DDX42: variants seen among roughly 807,000 people sequenced by gnomAD.
DDX42 encodes ATP-dependent RNA helicase DDX42.
A neutral mutation model predicts 101.5 loss-of-function variants in DDX42; 22 were observed. The observed-to-expected ratio is 0.22, with a 90% confidence interval of 0.15 to 0.31. DDX42 has a LOEUF of 0.31. DDX42 is among the 10% of genes least tolerant of loss of function. The pLI is 1.00. For synonymous variants in DDX42, 402 were observed against 401.2 expected (o/e 1.00, Z -0.02); for missense variants, 849 against 1,199.9 (o/e 0.71, Z 4.32).
At chr17:63,785,888 C>G (rs1734192476) in intron 1 of DDX42, among the ~76,000 whole-genome samples, 1 of 152,158 alleles carries the variant, frequency 6.6e-6, no homozygotes, top group Non-Finnish European at 1.5e-5. Flanking sequence ...TTCTTTGATT[C>G]TTCCAGATGT....
At position 63,792,449 on chromosome 17, in the gene DDX42, G is replaced by C. The variant is rs773014565; in HGVS notation, c.259G>C (p.Asp87His). Residue 87 changes from aspartate to histidine, a missense_variant, in exon 3 of 18, where the codon GAT becomes CAT. Transcript: ENST00000389924. ...EDEEEDSSNV[D>H]LPYIPAENSP... is the part of the protein sequence containing the mutation. ...TGAGGAAGAAGATTCTAGCAACGTTGATTTACCTTACATTCCTGCTGAAAA... is the reference window on the plus strand; with the variant it reads ...TGAGGAAGAAGATTCTAGCAACGTTCATTTACCTTACATTCCTGCTGAAAA... The C allele has an allele frequency of 6.2e-7, 1 of 1,613,218 alleles. No homozygotes were observed. The highest frequency in any genetic ancestry group is 8.5e-7 in the Non-Finnish European group (1 of 1,179,644).
At chr17:63,774,499 G>T in intron 1 of DDX42, 123 bp downstream of exon 1, 1 of 182,830 alleles carries the variant, frequency 5.5e-6, no homozygotes. Flanking sequence ...CAGAGCCTCG[G>T]GGCACCGGCG....
chr17:63,805,133 T>C lies in DDX42; in HGVS notation c.684T>C (p.Thr228=). The C allele has an allele frequency of 6.2e-7, 1 of 1,613,256 alleles. No individual in the cohort carries two copies. Among genetic ancestry groups the C allele is most frequent in the Non-Finnish European group, 8.5e-7 (1 of 1,179,854 alleles). The change falls in exon 7 of 18, where the codon ACT becomes ACC. Residue 228 remains threonine (T), a synonymous_variant. Coordinates refer to ENST00000389924, the MANE Select transcript of DDX42 (RefSeq NM_203499.3). The part of the protein sequence containing the change: ...YNEHEEITNL[T]PQQLIDLRHK... ...AGCATGAAGAGATAACCAACCTCAC[T>C]CCACAGCAGTTAATAGATCTCCGGC...
Position 63,779,739 on chromosome 17 carries a change from C to CT in DDX42, c.-17+5373dup, listed in dbSNP as rs372934351. ...CTGAGTTTGACTATTCTAGGTATCT[C>CT]TTTTTTTTTTCTTTTTGTTTTCTTT... On this transcript the variant is annotated intron_variant, in intron 1 of 17. Coordinates refer to ENST00000389924, the MANE Select transcript of DDX42 (RefSeq NM_203499.3). Among the ~76,000 whole-genome samples, 1,376 of 149,420 alleles carry CT rather than the reference C, an allele frequency of 9.2e-3. 21 individuals carry two copies. Among genetic ancestry groups the CT allele is most frequent in the African/African-American group, 0.031 (1,274 of 40,742 alleles).
intron 1 of DDX42, chr17:63,774,788 G>A (rs1369899058): frequency 6.6e-6 from 1 of 152,232 alleles, no homozygotes; most frequent in East Asian, 1.9e-4. Context: ...TGCCAAATGA[G>A]AGGAGTGAAA....
At position 63,818,038 on chromosome 17, in the gene DDX42, C is replaced by G. The variant is rs115010979; in HGVS notation, c.2457C>G (p.His819Gln). 1.9e-6 allele frequency: 3 copies of G among 1,613,852 alleles called. No individual in the cohort carries two copies. Among genetic ancestry groups the G allele is most frequent in the African/African-American group, 2.7e-5 (2 of 74,872 alleles). ...CTGAGAACCGGGGCAGCAGCCGTCA[C>G]AGTCACGGAGAGACTGGCAATCGGC... ...RYTENRGSSR[H>Q]SHGETGNRHS... The change falls in exon 18 of 18, where the codon CAC becomes CAG. Residue 819 changes from histidine (H) to glutamine (Q), a missense_variant. This residue lies in a region of DDX42 where 300 missense variants were observed against 304.9 expected (regional missense o/e 0.98). Coordinates refer to ENST00000389924, the MANE Select transcript of DDX42 (RefSeq NM_203499.3).
intron 1 of DDX42, among the ~76,000 whole-genome samples, chr17:63,783,320 G>T (rs921426617): frequency 2.0e-5 from 3 of 152,144 alleles, no homozygotes; most frequent in African/African-American, 7.2e-5. Flanking sequence ...AGGAGATTGT[G>T]TGATTCTTAA....
At chr17:63,804,960 C>A in intron 6 of DDX42, 111 bp from the exon 7 acceptor site, 1 of 1,350,090 alleles carries the variant, frequency 7.4e-7, no homozygotes, top group African/African-American at 1.5e-5. Flanking sequence ...CTTTCTCTAG[C>A]TGGAATGGCT....
chr17:63,789,546 C>CGTTTTT lies in DDX42; in HGVS notation c.221+2276_221+2277insGTTTTT, dbSNP rs138224520. 2.5e-4 allele frequency among the ~76,000 whole-genome samples: 30 copies of CGTTTTT among 121,838 alleles called. 12 individuals carry two copies. Among genetic ancestry groups the CGTTTTT allele is most frequent in the African/African-American group, 7.5e-4 (22 of 29,356 alleles). 79.9% of individuals were successfully genotyped at this position (121,838 alleles called of 152,430 possible). ...ATTGGAAAAAAAAGCTTCTAAAAGA[C>CGTTTTT]TTTTTTGTTTTTGTTTTTGTTTTTG... On this transcript the variant is annotated intron_variant, in intron 2 of 17. Transcript: ENST00000389924.
chr17:63,795,225 C>T (rs1162965998), intron 3 of DDX42, among the ~76,000 whole-genome samples: 1 of 152,208 alleles, frequency 6.6e-6, no homozygotes, highest in East Asian at 1.9e-4. Context: ...GAGGCTATTG[C>T]TGAGCAAATG....
chr17:63,789,571 G>GTT (rs538515067), intron 2 of DDX42, among the ~76,000 whole-genome samples: 10 of 45,670 alleles, frequency 2.2e-4, no homozygotes, highest in South Asian at 7.1e-4. Flanking sequence ...TTTTGTTTTT[G>GTT]TTTTTTTTTT....
At chr17:63,776,278 C>G (rs1315216659) in intron 1 of DDX42, 8 of 152,288 alleles carry the variant, frequency 5.3e-5, no homozygotes, top group Admixed American at 5.2e-4. Context: ...CACATTTATT[C>G]TCACTTCCTA....
In DDX42 at chr17:63,783,349, T is replaced by C. The variant is rs567192806; in HGVS notation, c.-16-3685T>C. Among the ~76,000 whole-genome samples the C allele has an allele frequency of 4.6e-5, 7 of 152,334 alleles. No individual in the cohort carries two copies. In the South Asian group the frequency reaches 1.2e-3, roughly 27 times the overall value. ...TTCTTAAAATCCACCTGAACGTAAA[T>C]GTCTTTCCACTATCCTTTCTTTGCC... On this transcript the variant is annotated intron_variant, in intron 1 of 17. Coordinates refer to ENST00000389924, the MANE Select transcript of DDX42 (RefSeq NM_203499.3).
At chr17:63,796,142 C>T (rs1474703838) in intron 3 of DDX42, among the ~76,000 whole-genome samples, 2 of 152,110 alleles carry the variant, frequency 1.3e-5, no homozygotes, top group Admixed American at 6.6e-5. Context: ...GCTATGTTTC[C>T]TAGAGAATCT....
At chr17:63,809,077 T>C in intron 10 of DDX42, 129 bp downstream of exon 10, 1 of 1,343,664 alleles carries the variant, frequency 7.4e-7, no homozygotes, top group Non-Finnish European at 1.0e-6. Flanking sequence ...AACGGCAGGC[T>C]GTGGTTTTAA....
rs181031358 is a variant in DDX42, at chr17:63,779,333, G to A, written c.-17+4957G>A. On this transcript the variant is annotated intron_variant, in intron 1 of 17. Coordinates refer to ENST00000389924, the MANE Select transcript of DDX42 (RefSeq NM_203499.3). ...GGCTGGAGTGCATTGGCATGATCTCGGCCCACTGCAACCTCCGACTCCTGG... is the reference window on the plus strand; with the variant it reads ...GGCTGGAGTGCATTGGCATGATCTCAGCCCACTGCAACCTCCGACTCCTGG... Among the ~76,000 whole-genome samples the A allele has an allele frequency of 1.5e-3, 228 of 152,032 alleles. 1 individual carries two copies. The highest frequency in any genetic ancestry group is 2.1e-3 in the Non-Finnish European group (146 of 67,978).
chr17:63,804,927 C>A (rs1951715883), intron 6 of DDX42, 144 bp from the exon 7 acceptor site: 20 of 979,804 alleles, frequency 2.0e-5, no homozygotes, highest in Non-Finnish European at 2.9e-5. Context: ...AGGATCTAAG[C>A]TGAGAATAAA....
At chr17:63,776,054 G>A (rs558357716) in intron 1 of DDX42, 1 of 152,330 alleles carries the variant, frequency 6.6e-6, no homozygotes, top group South Asian at 2.1e-4. Context: ...TATATAGTGT[G>A]TGAGGTACTC....
At chr17:63,813,146 T>G in intron 14 of DDX42, 82 bp from the exon 15 acceptor site, 1 of 1,314,386 alleles carries the variant, frequency 7.6e-7, no homozygotes, top group African/African-American at 1.5e-5. Context: ...GAAATGTGGC[T>G]TATTAGCACT....
Sources: gnomAD v4.1 joint callset for allele counts (sites outside exome capture counted in the v4.1 genomes callset) on GRCh38, gnomAD v4.1.1 for gene constraint, gnomAD v4.1.1 regional missense constraint, MANE v1.5 for transcripts, NCBI Gene and HGNC (gene_info 2026-07-23, HGNC 2026-07-21) for gene names.